The following CCSER1 variants were observed in gnomAD, a reference collection of about 807,000 sequenced individuals.
CCSER1 encodes the protein coiled-coil serine rich protein 1.
In CCSER1, 41 loss-of-function variants were observed where a neutral mutation model predicts 82.0. The observed-to-expected ratio is 0.50, with a 90% CI of 0.39 to 0.65. CCSER1 has a LOEUF of 0.65. Ranked by LOEUF, CCSER1 falls within the 30% of genes least tolerant of loss-of-function variation. The probability of loss-of-function intolerance (pLI) is 0.00; values close to 1 mark genes in which losing one functional copy is unlikely to be tolerated. For synonymous variants in CCSER1, 414 were observed against 383.9 expected (o/e 1.08, Z -0.92); for missense variants, 1,119 against 1,064.2 (o/e 1.05, Z -0.72).
chr4:90,660,917 G>A (rs1366378125), intron 6 of CCSER1, among the ~76,000 whole-genome samples: 1 of 151,678 alleles, frequency 6.6e-6, no homozygotes, highest in Non-Finnish European at 1.5e-5. Flanking sequence ...ATTTTGAGAT[G>A]AAGAGTAAAT....
chr4:90,282,045 C>T (rs566860792), intron 1 of CCSER1, among the ~76,000 whole-genome samples: 2 of 152,020 alleles, frequency 1.3e-5, no homozygotes, highest in Non-Finnish European at 2.9e-5. Context: ...ATCAATAGCG[C>T]TGTACTCAGA....
chr4:91,456,248 C>T (rs966976448), intron 10 of CCSER1, among the ~76,000 whole-genome samples: 2 of 152,002 alleles, frequency 1.3e-5, no homozygotes, highest in Non-Finnish European at 2.9e-5. Context: ...GGACAGTATT[C>T]CCTTTCATGA....
At chr4:90,592,343 G>A (rs775666891) in intron 5 of CCSER1, among the ~76,000 whole-genome samples, 4 of 152,148 alleles carry the variant, frequency 2.6e-5, no homozygotes, top group African/African-American at 7.2e-5. Flanking sequence ...CCTGTAAGAC[G>A]GCATTAGACT....
chr4:90,824,473 A>C (rs1296872377), intron 8 of CCSER1, among the ~76,000 whole-genome samples: 1 of 152,098 alleles, frequency 6.6e-6, no homozygotes, highest in East Asian at 1.9e-4. Flanking sequence ...AAAATAAAAG[A>C]CTAAGAAATA....
At chr4:91,436,241 G>A (rs759528052) in intron 10 of CCSER1, among the ~76,000 whole-genome samples, 3 of 152,082 alleles carry the variant, frequency 2.0e-5, no homozygotes, top group Non-Finnish European at 4.4e-5. Flanking sequence ...ATTTATTTCA[G>A]TTCCTCAAAG....
intron 10 of CCSER1, among the ~76,000 whole-genome samples, chr4:91,140,861 G>A (rs143128014): frequency 6.6e-6 from 1 of 151,974 alleles, no homozygotes; most frequent in Non-Finnish European, 1.5e-5. Flanking sequence ...TTTGATGCAG[G>A]CATATATTGC....
At chr4:90,230,222 T>C (rs1333958522) in intron 1 of CCSER1, among the ~76,000 whole-genome samples, 1 of 152,014 alleles carries the variant, frequency 6.6e-6, no homozygotes, top group Non-Finnish European at 1.5e-5. Flanking sequence ...TACTTGGAAG[T>C]AAAGCTCTCC....
At chr4:90,929,230 GAAA>G (rs201499762) in intron 9 of CCSER1, among the ~76,000 whole-genome samples, 1 of 151,550 alleles carries the variant, frequency 6.6e-6, no homozygotes, top group Non-Finnish European at 1.5e-5. Flanking sequence ...ATTACTTGGT[GAAA>G]AAAAATTAAC....
intron 10 of CCSER1, among the ~76,000 whole-genome samples, chr4:91,523,413 C>G (rs1259550020): frequency 6.6e-6 from 1 of 152,150 alleles, no homozygotes; most frequent in Non-Finnish European, 1.5e-5. Context: ...AGGATTCCCT[C>G]TTTTTCTGTT....
chr4:90,386,120 A>G (rs1750005027), intron 3 of CCSER1, among the ~76,000 whole-genome samples: 2 of 152,222 alleles, frequency 1.3e-5, no homozygotes. Context: ...TTCTATCAAA[A>G]TACCACCATC....
At chr4:90,357,398 A>G (rs1414977392) in intron 3 of CCSER1, among the ~76,000 whole-genome samples, 1 of 151,898 alleles carries the variant, frequency 6.6e-6, no homozygotes. Context: ...GTGGAAGTAA[A>G]CTTTTCAATT....
At chr4:91,044,504 G>A (rs746938520) in intron 9 of CCSER1, among the ~76,000 whole-genome samples, 2 of 152,188 alleles carry the variant, frequency 1.3e-5, no homozygotes, top group African/African-American at 2.4e-5. Context: ...TGATCCTGCA[G>A]TTTCTAGCCT....
chr4:90,967,611 A>C (rs1260921761), intron 9 of CCSER1, among the ~76,000 whole-genome samples: 2 of 152,166 alleles, frequency 1.3e-5, no homozygotes, highest in Non-Finnish European at 2.9e-5. Flanking sequence ...TTTATAAAAA[A>C]ATAAATGAGT....
intron 1 of CCSER1, among the ~76,000 whole-genome samples, chr4:90,166,420 T>G (rs982076448): frequency 6.6e-6 from 1 of 152,022 alleles, no homozygotes; most frequent in Non-Finnish European, 1.5e-5. Context: ...AGTAGGTACA[T>G]GGTCTTAGAT....
chr4:90,291,181 A>G (rs1040855880), intron 1 of CCSER1, among the ~76,000 whole-genome samples: 1 of 152,020 alleles, frequency 6.6e-6, no homozygotes, highest in South Asian at 2.1e-4. Context: ...CTCTGCTTTT[A>G]TTTGATTGGA....
In CCSER1 at chr4:90,822,401, C is replaced by G. The variant is rs561393056; in HGVS notation, c.2094+6556C>G. Among the ~76,000 whole-genome samples the G allele has an allele frequency of 3.9e-5, 6 of 152,216 alleles. No individual in the cohort carries two copies. The South Asian group carries it at 1.2e-3, about 32-fold the overall frequency. On this transcript the variant is annotated intron_variant, in intron 8 of 10. Transcript: ENST00000509176. Reference sequence around the variant, plus strand: ...TCTAGCCGATCGGGGTAAAATGTATCAGATACAGCTTTCTATGTCTATTTC... The same window carrying G: ...TCTAGCCGATCGGGGTAAAATGTATGAGATACAGCTTTCTATGTCTATTTC...
chr4:91,311,763 A>C (rs2149253858), intron 10 of CCSER1, among the ~76,000 whole-genome samples: 1 of 152,066 alleles, frequency 6.6e-6, no homozygotes, highest in Admixed American at 6.6e-5. Flanking sequence ...GCAATACCAT[A>C]TAGGTAGAAT....
At chr4:91,152,267 G>T (rs1456991434) in intron 10 of CCSER1, among the ~76,000 whole-genome samples, 1 of 152,008 alleles carries the variant, frequency 6.6e-6, no homozygotes, top group East Asian at 1.9e-4. Context: ...TTCTTTTAAA[G>T]TCTGTTTTAT....
intron 10 of CCSER1, among the ~76,000 whole-genome samples, chr4:91,098,543 A>AT (rs1561547077): frequency 1.3e-4 from 19 of 149,556 alleles, no homozygotes; most frequent in Non-Finnish European, 2.1e-4. Flanking sequence ...CACTGGAGAT[A>AT]ATTTTTTTTT....
Sources: allele counts gnomAD v4.1 joint callset (sites outside exome capture counted in the v4.1 genomes callset), GRCh38; gene constraint gnomAD v4.1.1; transcripts MANE v1.5; gene names NCBI Gene and HGNC (gene_info 2026-07-23, HGNC 2026-07-21).